TXNDC9: variants seen among roughly 807,000 people sequenced by gnomAD.
TXNDC9 encodes thioredoxin domain-containing protein 9.
In TXNDC9, 7 loss-of-function variants were observed where a neutral mutation model predicts 23.0. The ratio of observed to expected loss-of-function variants is 0.30; its 90% confidence interval spans 0.17 to 0.57. The LOEUF is 0.57. Among genes scored for constraint, TXNDC9 ranks in the 20% least tolerant of loss-of-function variants. The pLI, the probability that TXNDC9 is intolerant of heterozygous loss-of-function variation, is 0.90. For missense variants in TXNDC9, 198 were observed against 252.6 expected (o/e 0.78, Z 1.47); for synonymous variants, 72 against 90.6 (o/e 0.79, Z 1.17).
rs182624435 is a variant in TXNDC9 at position 99,329,316 on chromosome 2, T to C, written c.190-1663A>G. On this transcript the variant is annotated intron_variant, in intron 2 of 4. Transcript: ENST00000264255. ...CCAGTTCCTTTTAACTGTTCTCATA[T>C]GAAAAGATTTCTAGAGTTCCTACTC... Among the ~76,000 whole-genome samples, 515 of 152,322 alleles carry C rather than the reference T, an allele frequency of 3.4e-3. 3 individuals are homozygous for C. Among genetic ancestry groups the C allele is most frequent in the African/African-American group, 0.011 (445 of 41,582 alleles).
downstream of TXNDC9, among the ~76,000 whole-genome samples, chr2:99,317,875 A>G (rs1574902297): frequency 6.6e-6 from 1 of 151,944 alleles, no homozygotes; most frequent in Admixed American, 6.6e-5. Flanking sequence ...CTTGTCTTAA[A>G]CCTAGGACTA....
At chr2:99,320,871 G>T (rs1283570968) in intron 4 of TXNDC9, among the ~76,000 whole-genome samples, 1 of 152,074 alleles carries the variant, frequency 6.6e-6, no homozygotes, top group East Asian at 1.9e-4. Context: ...GGTCAATGAG[G>T]ATTCGTTGTA....
intron 1 of TXNDC9, among the ~76,000 whole-genome samples, chr2:99,333,800 C>G (rs2094231598): frequency 6.6e-6 from 1 of 152,144 alleles, no homozygotes; most frequent in Middle Eastern, 3.2e-3. Context: ...AGAAGAGTGC[C>G]TGGTGTTCCC....
intron 4 of TXNDC9, 120 bp from the exon 5 acceptor site, chr2:99,319,919 T>C (rs2094197536): frequency 1.5e-6 from 1 of 654,090 alleles, no homozygotes; most frequent in Non-Finnish European, 2.6e-6. Flanking sequence ...AAAATGCTGG[T>C]GTCAGGGAAG....
intron 3 of TXNDC9, among the ~76,000 whole-genome samples, chr2:99,326,015 A>C (rs2094212147): frequency 6.6e-6 from 1 of 151,786 alleles, no homozygotes; most frequent in Non-Finnish European, 1.5e-5. Flanking sequence ...TGTCTCAAAA[A>C]CAAAAAAAAA....
chr2:99,323,308 G>A (rs1182346044), intron 3 of TXNDC9, among the ~76,000 whole-genome samples: 1 of 152,130 alleles, frequency 6.6e-6, no homozygotes, highest in Non-Finnish European at 1.5e-5. Flanking sequence ...TTGGGAGGCT[G>A]AGGCAGGAGA....
chr2:99,331,526 A>T (rs1000782430), intron 2 of TXNDC9, among the ~76,000 whole-genome samples: 10 of 151,416 alleles, frequency 6.6e-5, no homozygotes, highest in Non-Finnish European at 1.2e-4. Flanking sequence ...AAAAAAAAAA[A>T]GAAAGAAAAG....
At chr2:99,309,125 C>A in the TXNDC9 span, among the ~76,000 whole-genome samples, 1 of 152,076 alleles carries the variant, frequency 6.6e-6, no homozygotes, top group South Asian at 2.1e-4. Context: ...TGGTTCCCAG[C>A]ACTTTGGGAG....
At position 99,333,573 on chromosome 2, in the gene TXNDC9, T is replaced by C. The variant is rs975825346; in HGVS notation, c.-32-331A>G. On this transcript the variant is annotated intron_variant, in intron 1 of 4. Transcript: ENST00000264255. ...AGTTGTGAAGTTATACCTAGTGATA[T>C]ATACTGACAATCAGTGTTCTTTACC... Among the ~76,000 whole-genome samples the C allele has an allele frequency of 3.5e-4, 53 of 152,208 alleles. 1 individual carries two copies. Among genetic ancestry groups the C allele is most frequent in the Admixed American group, 3.3e-3 (51 of 15,282 alleles).
At chr2:99,312,635 C>A in the TXNDC9 span, among the ~76,000 whole-genome samples, 9 of 151,624 alleles carry the variant, frequency 5.9e-5, no homozygotes, top group Non-Finnish European at 1.2e-4. Context: ...GGGAAAAAAA[C>A]AAGTTGCAAA....
chr2:99,325,526 A>G (rs2094211200), intron 3 of TXNDC9, among the ~76,000 whole-genome samples: 3 of 152,158 alleles, frequency 2.0e-5, no homozygotes. Flanking sequence ...GATGATTTTG[A>G]TTTTTCAGTT....
chr2:99,327,632 C>T lies in TXNDC9; in HGVS notation c.211G>A (p.Gly71Arg), dbSNP rs2094215599. Residue 71 changes from glycine to arginine, a missense_variant, in exon 3 of 5, where the codon GGG becomes AGG. Coordinates refer to ENST00000264255, the MANE Select transcript of TXNDC9 (RefSeq NM_005783.4). ...QKQEWLSKGHGEYREIPSERD... is the reference protein window; with the variant it reads ...QKQEWLSKGHREYREIPSERD... ...TCACTAGGGATTTCTCTGTATTCCC[C>T]ATGTCCTTTAGAAAGCCATTCCTAA... The T allele has an allele frequency of 6.2e-7, 1 of 1,612,854 alleles. No individual in the cohort carries two copies. Among genetic ancestry groups the T allele is most frequent in the Non-Finnish European group, 8.5e-7 (1 of 1,179,330 alleles).
chr2:99,308,062 G>A, the TXNDC9 span, among the ~76,000 whole-genome samples: 4 of 152,200 alleles, frequency 2.6e-5, no homozygotes, highest in Non-Finnish European at 4.4e-5. Context: ...GAACAGAGGG[G>A]CCAAGTCTCT....
At chr2:99,334,794 C>G (rs968376071) in intron 1 of TXNDC9, among the ~76,000 whole-genome samples, 5 of 152,174 alleles carry the variant, frequency 3.3e-5, no homozygotes, top group African/African-American at 1.2e-4. Flanking sequence ...TCACTGCTAG[C>G]TCCGCCTCCT....
intron 4 of TXNDC9, 168 bp downstream of exon 4, chr2:99,321,787 C>T (rs939498328): frequency 9.9e-5 from 73 of 735,806 alleles, no homozygotes; most frequent in Non-Finnish European, 1.2e-4. Flanking sequence ...CGTAAAATCA[C>T]GCTAATATTA....
chr2:99,307,057 T>C, the TXNDC9 span, among the ~76,000 whole-genome samples: 1 of 138,562 alleles, frequency 7.2e-6, no homozygotes, highest in Non-Finnish European at 1.5e-5. Flanking sequence ...CTTCCCTTCC[T>C]CCCTTCCTCT....
At chr2:99,330,835 A>C (rs1016330049) in intron 2 of TXNDC9, among the ~76,000 whole-genome samples, 19 of 152,254 alleles carry the variant, frequency 1.2e-4, no homozygotes, top group African/African-American at 3.1e-4. Flanking sequence ...TAAAAAGAAT[A>C]TCTATACAAA....
chr2:99,335,204 A>G (rs1380812357), intron 1 of TXNDC9, among the ~76,000 whole-genome samples: 1 of 152,200 alleles, frequency 6.6e-6, no homozygotes. Flanking sequence ...GAAGCACCCC[A>G]AACTTCACAA....
the TXNDC9 span, chr2:99,307,431 A>C: frequency 7.3e-6 from 1 of 137,056 alleles, no homozygotes; most frequent in African/African-American, 2.7e-5. Flanking sequence ...ACTCTATATA[A>C]ATCGCTGTGG....
Sources: allele counts gnomAD v4.1 joint callset (sites outside exome capture counted in the v4.1 genomes callset), GRCh38; gene constraint gnomAD v4.1.1; transcripts MANE v1.5; gene names NCBI Gene and HGNC (gene_info 2026-07-23, HGNC 2026-07-21).